Variants in SLC10A7 observed in about 807,000 individuals in gnomAD.
The protein encoded by SLC10A7 is sodium/bile acid cotransporter 7.
Under a neutral mutation model 43.2 loss-of-function variants are expected in SLC10A7, and 29 were observed. The observed-to-expected ratio is 0.67, with a 90% CI of 0.50 to 0.92. SLC10A7 has a LOEUF of 0.92. SLC10A7 is among the 40% of genes least tolerant of loss of function. SLC10A7 has a pLI of 0.00. For synonymous variants in SLC10A7, 152 were observed against 144.8 expected (o/e 1.05, Z -0.35); for missense variants, 295 against 403.2 (o/e 0.73, Z 2.30).
In SLC10A7 at chr4:146,293,914, C is replaced by A. The variant is rs370135076; in HGVS notation, c.721+16G>T. On this transcript the variant is annotated intron_variant, in intron 8 of 11. Transcript: ENST00000335472. ...GACACTGAGGGATAGCCAGGCTATC[C>A]CATTTTCCAACTTACTTATGAACAG... is the stretch of plus-strand genomic sequence containing the variant. 9 of 1,595,866 alleles carry A rather than the reference C, an allele frequency of 5.6e-6. No individual in the cohort carries two copies. The highest frequency in any genetic ancestry group is 7.7e-6 in the Non-Finnish European group (9 of 1,167,838).
At chr4:146,316,493 A>T (rs902739932) in intron 6 of SLC10A7, among the ~76,000 whole-genome samples, 1 of 152,082 alleles carries the variant, frequency 6.6e-6, no homozygotes, top group South Asian at 2.1e-4. Flanking sequence ...AAAAGCAGCC[A>T]TCTATGACCC....
At position 146,499,881 on chromosome 4, in the gene SLC10A7, A is replaced by T. The variant is rs191422759; in HGVS notation, c.396+3968T>A. 8.5e-5 allele frequency among the ~76,000 whole-genome samples: 13 copies of T among 152,358 alleles called. No individual in the cohort carries two copies. In the East Asian group the frequency reaches 2.5e-3, roughly 29 times the overall value. On this transcript the variant is annotated intron_variant, in intron 4 of 11. Transcript: ENST00000335472. ...AAACATGTAAGTAGACTTTAGAAGA[A>T]TCTAATGCTACGTCAATGTCAAGGA...
chr4:146,326,801 A>T (rs181624786), intron 5 of SLC10A7, among the ~76,000 whole-genome samples: 1 of 152,158 alleles, frequency 6.6e-6, no homozygotes, highest in East Asian at 1.9e-4. Context: ...TCAACATTTC[A>T]TTATGATTTA....
At chr4:146,309,553 GA>G (rs1298612607) in intron 6 of SLC10A7, among the ~76,000 whole-genome samples, 1 of 152,112 alleles carries the variant, frequency 6.6e-6, no homozygotes, top group Non-Finnish European at 1.5e-5. Flanking sequence ...CACACTTTGA[GA>G]ACCACTAATC....
At chr4:146,419,545 A>G (rs760732260) in intron 5 of SLC10A7, among the ~76,000 whole-genome samples, 2 of 152,184 alleles carry the variant, frequency 1.3e-5, no homozygotes, top group Non-Finnish European at 2.9e-5. Context: ...CTATAAAATC[A>G]CAATTAAAGG....
chr4:146,402,920 T>C lies in SLC10A7; in HGVS notation c.435+39863A>G, dbSNP rs1739323174. Among the ~76,000 whole-genome samples the C allele has an allele frequency of 3.9e-5, 6 of 152,208 alleles. No homozygotes were observed. In the South Asian group the frequency reaches 1.2e-3, roughly 32 times the overall value. ...GAGCACAGCTTCAAGAGCCAGATTGTCTGAATTCAAATCCCAGCTTGACCA... is the reference window on the plus strand; with the variant it reads ...GAGCACAGCTTCAAGAGCCAGATTGCCTGAATTCAAATCCCAGCTTGACCA... On this transcript the variant is annotated intron_variant, in intron 5 of 11. Transcript: ENST00000335472.
At chr4:146,273,988 AAG>A (rs1195964025) in intron 10 of SLC10A7, among the ~76,000 whole-genome samples, 1 of 152,094 alleles carries the variant, frequency 6.6e-6, no homozygotes, top group African/African-American at 2.4e-5. Flanking sequence ...ATTGTGTTGT[AAG>A]AGTTTTAAAA....
rs180851687 is a variant in SLC10A7 at position 146,397,369 on chromosome 4, A to C, written c.435+45414T>G. ...TTCTTCCAACTTAACAACTCAAACAACACCAAAATTATCCAGGAATTTCAG... is the reference window on the plus strand; with the variant it reads ...TTCTTCCAACTTAACAACTCAAACACCACCAAAATTATCCAGGAATTTCAG... On this transcript the variant is annotated intron_variant, in intron 5 of 11. Transcript: ENST00000335472. Among the ~76,000 whole-genome samples the C allele has an allele frequency of 1.9e-3, 284 of 152,284 alleles. 2 individuals are homozygous for C. Among genetic ancestry groups the C allele is most frequent in the African/African-American group, 6.7e-3 (278 of 41,558 alleles).
chr4:146,445,495 G>T (rs1730976133), intron 4 of SLC10A7, among the ~76,000 whole-genome samples: 1 of 152,120 alleles, frequency 6.6e-6, no homozygotes, highest in African/African-American at 2.4e-5. Context: ...TCCAGGAGGG[G>T]GTGTCTGTGA....
intron 5 of SLC10A7, among the ~76,000 whole-genome samples, chr4:146,351,427 A>C (rs971939513): frequency 2.6e-5 from 4 of 152,114 alleles, no homozygotes; most frequent in Non-Finnish European, 4.4e-5. Flanking sequence ...CCTGAAAGTG[A>C]TGTGGAGAAT....
intron 6 of SLC10A7, among the ~76,000 whole-genome samples, chr4:146,311,925 A>G (rs1330760229): frequency 1.3e-5 from 2 of 152,104 alleles, no homozygotes; most frequent in African/African-American, 2.4e-5. Flanking sequence ...TTTCATTCCT[A>G]CTGCTCCTTC....
chr4:146,493,008 C>T (rs1011783381), intron 4 of SLC10A7, among the ~76,000 whole-genome samples: 2 of 152,018 alleles, frequency 1.3e-5, no homozygotes, highest in Non-Finnish European at 2.9e-5. Flanking sequence ...TTTCATAACT[C>T]CATGATTTAG....
At chr4:146,433,938 C>T (rs1417444984) in intron 5 of SLC10A7, among the ~76,000 whole-genome samples, 1 of 152,046 alleles carries the variant, frequency 6.6e-6, no homozygotes, top group African/African-American at 2.4e-5. Context: ...CAGCATTTTA[C>T]CCATTTACAT....
At chr4:146,431,704 C>T (rs1397828181) in intron 5 of SLC10A7, among the ~76,000 whole-genome samples, 1 of 151,226 alleles carries the variant, frequency 6.6e-6, no homozygotes, top group Non-Finnish European at 1.5e-5. Context: ...TAGAAGAAAA[C>T]ATAGGAGAAA....
intron 5 of SLC10A7, among the ~76,000 whole-genome samples, chr4:146,434,273 T>C (rs1181434979): frequency 6.6e-6 from 1 of 152,012 alleles, no homozygotes; most frequent in Non-Finnish European, 1.5e-5. Context: ...ATATTTTTCA[T>C]AAGTTCTATA....
intron 4 of SLC10A7, among the ~76,000 whole-genome samples, chr4:146,448,319 C>G (rs929956544): frequency 1.3e-5 from 2 of 152,092 alleles, no homozygotes; most frequent in Non-Finnish European, 2.9e-5. Context: ...CTGAAAGGCT[C>G]TAAACGTTAT....
intron 4 of SLC10A7, among the ~76,000 whole-genome samples, chr4:146,475,177 T>C (rs1733918503): frequency 6.6e-6 from 1 of 152,142 alleles, no homozygotes; most frequent in Admixed American, 6.6e-5. Context: ...GCCCTTCAGC[T>C]GTAGAGGCAC....
chr4:146,464,717 T>C (rs1732851254), intron 4 of SLC10A7, among the ~76,000 whole-genome samples: 1 of 151,790 alleles, frequency 6.6e-6, no homozygotes, highest in South Asian at 2.1e-4. Flanking sequence ...ATGACAGTCA[T>C]TATCAAAGTA....
chr4:146,442,853 C>T (rs1730713557), intron 4 of SLC10A7, 32 bp from the exon 5 acceptor site: 1 of 1,397,458 alleles, frequency 7.2e-7, no homozygotes, highest in African/African-American at 1.5e-5. Flanking sequence ...GAAAAAAACT[C>T]ATTGAAAGTA....
Sources: allele counts gnomAD v4.1 joint callset (sites outside exome capture counted in the v4.1 genomes callset), GRCh38; gene constraint gnomAD v4.1.1; transcripts MANE v1.5; gene names NCBI Gene and HGNC (gene_info 2026-07-23, HGNC 2026-07-21).